The following APOC2 variants were observed in gnomAD, a reference collection of about 807,000 sequenced individuals.
APOC2 encodes the protein apolipoprotein C2.
Under a neutral mutation model 10.2 loss-of-function variants are expected in APOC2, and 6 were observed. The ratio of observed to expected loss-of-function variants is 0.59; its 90% CI spans 0.32 to 1.16. APOC2 has a LOEUF of 1.16. Among genes scored for constraint, APOC2 ranks in the 50% most tolerant of loss-of-function variants. The pLI, the probability that APOC2 is intolerant of heterozygous loss-of-function variation, is 0.05. For synonymous variants in APOC2, 56 were observed against 48.5 expected (o/e 1.15, Z -0.64); for missense variants, 110 against 117.6 (o/e 0.94, Z 0.30).
chr19:44,948,367 A>G (rs927067036), intron 1 of APOC2, 99 bp from the exon 2 acceptor site: 4 of 1,028,138 alleles, frequency 3.9e-6, no homozygotes, highest in Admixed American at 1.7e-5. Flanking sequence ...CCGAGCTCAC[A>G]CAGAGCAGGA....
intron 3 of APOC2, 45 bp downstream of exon 3, chr19:44,948,905 A>G: frequency 1.2e-6 from 2 of 1,605,912 alleles, no homozygotes; most frequent in East Asian, 2.2e-5. Context: ...CATACCACCG[A>G]CTGCATCCAG....
chr19:44,948,625 C>A, intron 2 of APOC2, 76 bp from the exon 3 acceptor site: 1 of 1,603,328 alleles, frequency 6.2e-7, no homozygotes, highest in East Asian at 2.2e-5. Flanking sequence ...TCTGCCTCTG[C>A]CCTCTCCTCT....
In APOC2 at chr19:44,948,770, A is replaced by C; in HGVS notation, c.125A>C (p.Glu42Ala). The C allele has an allele frequency of 6.2e-7, 1 of 1,614,154 alleles. No individual in the cohort carries two copies. Among genetic ancestry groups the C allele is most frequent in the Non-Finnish European group, 8.5e-7 (1 of 1,180,024 alleles). The change falls in exon 3 of 4, where the codon GAA becomes GCA. Residue 42 changes from glutamate (E) to alanine (A), a missense_variant. Physicochemically the swap from Glu to Ala is moderately radical, Grantham distance 107 (BLOSUM62 -1). Coordinates refer to ENST00000252490, the MANE Select transcript of APOC2 (RefSeq NM_000483.5). ...PSPTFLTQVK[E>A]SLSSYWESAK... is the part of the protein sequence containing the mutation. ...CCGACCTTCCTCACCCAGGTGAAGG[A>C]ATCTCTCTCCAGTTACTGGGAGTCA...
intron 1 of APOC2, 119 bp downstream of exon 1, chr19:44,946,194 T>TGG (rs1266478037): frequency 8.1e-4 from 24 of 29,664 alleles, no homozygotes; most frequent in African/African-American, 3.1e-3. Flanking sequence ...ACCATGACTG[T>TGG]GTGTGTGTGT....
In APOC2 at chr19:44,949,263, C is replaced by G. The variant is rs138974647; in HGVS notation, c.*14C>G. On this transcript the variant is annotated 3_prime_UTR_variant, in exon 4 of 4. Coordinates refer to ENST00000252490, the MANE Select transcript of APOC2 (RefSeq NM_000483.5). Reference sequence around the variant, plus strand: ...GGAGAGGAGTAACAGCCAGACCCCCCATCAGTGGACAAGGGGAGAGTCCCC... The same window carrying G: ...GGAGAGGAGTAACAGCCAGACCCCCGATCAGTGGACAAGGGGAGAGTCCCC... The G allele has an allele frequency of 3.0e-5, 49 of 1,609,694 alleles. No individual in the cohort carries two copies. The highest frequency in any genetic ancestry group is 3.4e-4 in the Middle Eastern group (2 of 5,966).
chr19:44,949,185 C>G lies in APOC2; in HGVS notation c.242C>G (p.Ala81Gly). 2 of 1,614,062 alleles carry G rather than the reference C, an allele frequency of 1.2e-6. No individual in the cohort carries two copies. The highest frequency in any genetic ancestry group is 1.7e-6 in the Non-Finnish European group (2 of 1,179,994). ...LRDLYSKSTA[A>G]MSTYTGIFTD... ...GACTTGTACAGCAAAAGCACAGCAGCCATGAGCACTTACACAGGCATTTTT... is the reference window on the plus strand; with the variant it reads ...GACTTGTACAGCAAAAGCACAGCAGGCATGAGCACTTACACAGGCATTTTT... The change falls in exon 4 of 4, where the codon GCC becomes GGC. Residue 81 changes from alanine (A) to glycine (G), a missense_variant. Coordinates refer to ENST00000252490, the MANE Select transcript of APOC2 (RefSeq NM_000483.5).
Position 44,948,820 on chromosome 19 carries a change from T to G in APOC2, c.175T>G (p.Tyr59Asp). The change falls in exon 3 of 4, where the codon TAC (tyrosine) becomes GAC (aspartate). Residue 59 changes from tyrosine to aspartate, a missense_variant. Tyr to Asp is a radical substitution (Grantham distance 160, BLOSUM62 -3). Transcript: ENST00000252490. ...AGCAAAGACAGCCGCCCAGAACCTGTACGAGAAGACATACCTGCCCGCTGT... is the reference window on the plus strand; with the variant it reads ...AGCAAAGACAGCCGCCCAGAACCTGGACGAGAAGACATACCTGCCCGCTGT... The part of the protein sequence containing the change: ...ESAKTAAQNL[Y>D]EKTYLPAVDE... The G allele has an allele frequency of 6.2e-7, 1 of 1,613,954 alleles. No homozygotes were observed. The highest frequency in any genetic ancestry group is 8.5e-7 in the Non-Finnish European group (1 of 1,180,010).
rs559469289 is a variant in APOC2 at position 44,948,542 on chromosome 19, G to C, written c.55+9G>C. ...CCTGGTATTGGGATTTGGTGAGTGT[G>C]GGCTTCCGGGGAGGGAAGCCTTGGG... On this transcript the variant is annotated intron_variant, in intron 2 of 3. Coordinates refer to ENST00000252490, the MANE Select transcript of APOC2 (RefSeq NM_000483.5). The C allele has an allele frequency of 2.5e-6, 4 of 1,613,764 alleles. No homozygotes were observed. The highest frequency in any genetic ancestry group is 1.1e-5 in the South Asian group (1 of 91,060).
intron 1 of APOC2, among the ~76,000 whole-genome samples, 159 bp downstream of exon 1, chr19:44,946,234 T>TGTGTGTGTGTGTGAGAGAGA (rs1236986911): frequency 5.3e-5 from 7 of 132,908 alleles, no homozygotes; most frequent in African/African-American, 1.5e-4. Flanking sequence ...TGTGTGTGTG[T>TGTGTGTGTGTGTGAGAGAGA]GAGAGAGAGA....
intron 1 of APOC2, among the ~76,000 whole-genome samples, chr19:44,947,609 A>G (rs1038752169): frequency 1.3e-5 from 2 of 152,174 alleles, no homozygotes; most frequent in Non-Finnish European, 2.9e-5. Flanking sequence ...CAGCCTGGGC[A>G]ACAAAACAAG....
Position 44,948,835 on chromosome 19 carries a change from C to T in APOC2, c.190C>T (p.Leu64=). The T allele has an allele frequency of 1.2e-6, 2 of 1,613,668 alleles. No homozygotes were observed. The highest frequency in any genetic ancestry group is 1.1e-5 in the South Asian group (1 of 91,090). ...CCAGAACCTGTACGAGAAGACATAC[C>T]TGCCCGCTGTAGATGAGAAACTCAG... ...AAQNLYEKTY[L]PAVDEKLRDL... Residue 64 remains leucine (L), a synonymous_variant, in exon 3 of 4, where the codon CTG becomes TTG. Transcript: ENST00000252490.
Position 44,949,232 on chromosome 19 carries a change from C to T in APOC2, c.289C>T (p.Leu97=). ...TTTTACTGACCAAGTTCTTTCTGTG[C>T]TGAAGGGAGAGGAGTAACAGCCAGA... The part of the protein sequence containing the change: ...GIFTDQVLSV[L]KGEE Residue 97 remains leucine, a synonymous_variant, in exon 4 of 4, where the codon CTG becomes TTG. Coordinates refer to ENST00000252490, the MANE Select transcript of APOC2 (RefSeq NM_000483.5). 1.9e-6 allele frequency: 3 copies of T among 1,613,796 alleles called. No homozygotes were observed. Among genetic ancestry groups the T allele is most frequent in the Middle Eastern group, 1.7e-4 (1 of 6,054 alleles).
intron 1 of APOC2, 152 bp from the exon 2 acceptor site, chr19:44,948,314 G>T (rs956978930): frequency 2.0e-5 from 14 of 690,374 alleles, no homozygotes; most frequent in Middle Eastern, 3.4e-4. Context: ...GCCCAAGAAG[G>T]GGGCTGTGTC....
At chr19:44,948,279 G>C in intron 1 of APOC2, 187 bp from the exon 2 acceptor site, 1 of 617,558 alleles carries the variant, frequency 1.6e-6, no homozygotes, top group South Asian at 1.8e-5. Context: ...ATCAGGAGTA[G>C]AATCACAGAA....
At chr19:44,948,912 C>T in intron 3 of APOC2, 52 bp downstream of exon 3, 1 of 1,604,382 alleles carries the variant, frequency 6.2e-7, no homozygotes, top group Non-Finnish European at 8.5e-7. Context: ...CCGACTGCAT[C>T]CAGGACCCAG....
At chr19:44,946,249 G>GAA (rs1408655913) in intron 1 of APOC2, among the ~76,000 whole-genome samples, 174 bp downstream of exon 1, 2 of 151,154 alleles carry the variant, frequency 1.3e-5, no homozygotes, top group African/African-American at 2.4e-5. Context: ...GAGAGAGAGA[G>GAA]GGAGATGGAG....
At chr19:44,947,583 C>A (rs761128422) in intron 1 of APOC2, among the ~76,000 whole-genome samples, 3 of 152,040 alleles carry the variant, frequency 2.0e-5, no homozygotes, top group Non-Finnish European at 4.4e-5. Context: ...ATCGCTTGAG[C>A]CCAGGAGTTC....
At chr19:44,947,432 C>T (rs1480817714) in intron 1 of APOC2, 1 of 152,332 alleles carries the variant, frequency 6.6e-6, no homozygotes, top group African/African-American at 2.4e-5. Flanking sequence ...CCTGCACTGA[C>T]TCAGCCTTAG....
Position 44,949,014 on chromosome 19 carries a change from G to C in APOC2, c.216-145G>C, listed in dbSNP as rs3745152. 4,368 of 844,296 alleles carry C rather than the reference G, an allele frequency of 5.2e-3. 24 individuals are homozygous for C. The highest frequency in any genetic ancestry group is 7.8e-3 in the African/African-American group (282 of 36,016). 52.3% of individuals were successfully genotyped at this position (844,296 alleles called of 1,614,324 possible). A position where few individuals can be genotyped will look rare whatever the true frequency, so the allele number is the denominator to read the frequency against. On this transcript the variant is annotated intron_variant, in intron 3 of 3. Coordinates refer to ENST00000252490, the MANE Select transcript of APOC2 (RefSeq NM_000483.5). ...ACCCAGGAGTCCAGGCCCCCAGCCCGTCCTCCCTCAGACCCAGGAGTCCAG... is the reference window on the plus strand; with the variant it reads ...ACCCAGGAGTCCAGGCCCCCAGCCCCTCCTCCCTCAGACCCAGGAGTCCAG...
Sources: allele counts gnomAD v4.1 joint callset (sites outside exome capture counted in the v4.1 genomes callset), GRCh38; gene constraint gnomAD v4.1.1; transcripts MANE v1.5; gene names NCBI Gene and HGNC (gene_info 2026-07-23, HGNC 2026-07-21).